The following CUZD1 variants were observed in gnomAD, a reference collection of about 807,000 sequenced individuals.
The protein encoded by CUZD1 is CUB and zona pellucida like domains 1.
In CUZD1, 42 loss-of-function variants were observed where a neutral mutation model predicts 53.1. The ratio of observed to expected loss-of-function variants is 0.79; its 90% CI spans 0.62 to 1.02. The LOEUF (loss-of-function observed/expected upper bound fraction) is 1.02, where lower values mean the gene tolerates loss of function less well. Among genes scored for constraint, CUZD1 ranks in the 50% least tolerant of loss-of-function variants. The pLI is 0.00. For missense variants in CUZD1, 670 were observed against 715.7 expected (o/e 0.94, Z 0.73); for synonymous variants, 238 against 257.2 (o/e 0.93, Z 0.71).
chr10:122,839,037 T>C lies in CUZD1; in HGVS notation c.428A>G (p.Tyr143Cys). 6.2e-7 allele frequency: 1 copy of C among 1,613,742 alleles called. No homozygotes were observed. The highest frequency in any genetic ancestry group is 8.5e-7 in the Non-Finnish European group (1 of 1,179,686). Residue 143 changes from tyrosine to cysteine, a missense_variant, in exon 3 of 9, where the codon TAC becomes TGC. Coordinates refer to ENST00000392790, the MANE Select transcript of CUZD1 (RefSeq NM_022034.6). ...RIQRTVFVFY[Y>C]FFSPNISIPN... Reference sequence around the variant, plus strand: ...CTTACAGATGTTAGGAGAGAAGAAGTAGTAGAAGACAAAGACAGTTCTTTG... The same window carrying C: ...CTTACAGATGTTAGGAGAGAAGAAGCAGTAGAAGACAAAGACAGTTCTTTG...
chr10:122,835,120 A>C, intron 6 of CUZD1, 23 bp from the exon 7 acceptor site: 1 of 1,497,820 alleles, frequency 6.7e-7, no homozygotes, highest in Non-Finnish European at 8.9e-7. Flanking sequence ...ATAGAATTCA[A>C]TTTTTATATT....
Position 122,835,062 on chromosome 10 carries a change from GATTAT to G in CUZD1, c.1021_1025del (p.Ile341HisfsTer9), listed in dbSNP as rs756028492. 1 of 1,602,030 alleles carries G rather than the reference GATTAT, an allele frequency of 6.2e-7. No individual in the cohort carries two copies. The highest frequency in any genetic ancestry group is 8.5e-7 in the Non-Finnish European group (1 of 1,174,086). On this transcript the variant is annotated frameshift_variant, in exon 7 of 9. Coordinates refer to ENST00000392790, the MANE Select transcript of CUZD1 (RefSeq NM_022034.6). LOFTEE classifies it high-confidence loss of function. Reference sequence around the variant, plus strand: ...CAGAAGTTGAGGATGCAGAAAAGGTGATTATATTGGTGTAAGTAATTGACTGATCT... The same window carrying G: ...CAGAAGTTGAGGATGCAGAAAAGGTGATTGGTGTAAGTAATTGACTGATCT...
chr10:122,842,859 A>C (rs1847365346), intron 1 of CUZD1, among the ~76,000 whole-genome samples: 1 of 152,252 alleles, frequency 6.6e-6, no homozygotes, highest in Non-Finnish European at 1.5e-5. Flanking sequence ...GCATGTAAAG[A>C]TATATTCAGC....
At chr10:122,838,152 C>T (rs998923781) in intron 3 of CUZD1, 1 of 152,432 alleles carries the variant, frequency 6.6e-6, no homozygotes, top group Non-Finnish European at 1.5e-5. Context: ...GCAGAGAGCT[C>T]TTTTTGGAGC....
intron 1 of CUZD1, 41 bp from the exon 2 acceptor site, chr10:122,841,369 C>A: frequency 6.5e-7 from 1 of 1,544,646 alleles, no homozygotes. Flanking sequence ...AGTCAACAGG[C>A]CCTTTCCCCT....
At chr10:122,843,455 G>A (rs560987463) in intron 1 of CUZD1, among the ~76,000 whole-genome samples, 43 of 152,140 alleles carry the variant, frequency 2.8e-4, no homozygotes, top group African/African-American at 9.6e-4. Flanking sequence ...GTAAATAGTT[G>A]TTTACTATAT....
Position 122,832,286 on chromosome 10 carries a change from T to C in CUZD1, c.1816A>G (p.Asn606Asp). 6.2e-7 allele frequency: 1 copy of C among 1,614,060 alleles called. No individual in the cohort carries two copies. The highest frequency in any genetic ancestry group is 8.5e-7 in the Non-Finnish European group (1 of 1,179,950). ...AGGGTTGGACCTGTTAGTTAATAGT[T>C]CTGCAGCTTCTGGTATTTGTAGTCT... ...RADYKYQKLQ[N>D]Y Residue 606 changes from asparagine (N) to aspartate (D), a missense_variant, in exon 9 of 9, where the codon AAC becomes GAC. Physicochemically the swap from Asn to Asp is conservative, Grantham distance 23 (BLOSUM62 1). Transcript: ENST00000392790.
intron 6 of CUZD1, among the ~76,000 whole-genome samples, chr10:122,835,731 A>T (rs1440861823): frequency 1.3e-5 from 2 of 152,248 alleles, no homozygotes; most frequent in East Asian, 3.8e-4. Flanking sequence ...AGAACAAATC[A>T]CAAACTTCCA....
intron 2 of CUZD1, among the ~76,000 whole-genome samples, chr10:122,840,650 G>A (rs1847326541): frequency 6.6e-6 from 1 of 151,818 alleles, no homozygotes; most frequent in African/African-American, 2.4e-5. Flanking sequence ...GGGTCACCTG[G>A]GCACTTATAA....
At chr10:122,840,156 G>A (rs933234010) in intron 2 of CUZD1, among the ~76,000 whole-genome samples, 1 of 152,146 alleles carries the variant, frequency 6.6e-6, no homozygotes, top group Non-Finnish European at 1.5e-5. Flanking sequence ...CAGGAAATTT[G>A]AGGCCTCTTT....
At chr10:122,845,261 G>A (rs965783020) in intron 1 of CUZD1, among the ~76,000 whole-genome samples, 6 of 152,062 alleles carry the variant, frequency 3.9e-5, no homozygotes, top group Non-Finnish European at 8.8e-5. Context: ...ATTTTTAGTA[G>A]AGATGGGGTT....
At chr10:122,836,737 TA>T (rs1847257657) in intron 5 of CUZD1, 93 bp downstream of exon 5, 11 of 925,900 alleles carry the variant, frequency 1.2e-5, no homozygotes, top group African/African-American at 9.9e-5. Context: ...TGCTTGCAAA[TA>T]GGAATAGCCA....
At chr10:122,836,444 A>G in intron 5 of CUZD1, 94 bp from the exon 6 acceptor site, 1 of 1,135,988 alleles carries the variant, frequency 8.8e-7, no homozygotes, top group Non-Finnish European at 1.2e-6. Context: ...AAATATATAA[A>G]AAGTCAAAAC....
intron 2 of CUZD1, among the ~76,000 whole-genome samples, chr10:122,840,174 T>C (rs1302078966): frequency 6.6e-6 from 1 of 152,246 alleles, no homozygotes; most frequent in Non-Finnish European, 1.5e-5. Flanking sequence ...TTTTGCTTCT[T>C]TGAAGGATAA....
Position 122,834,785 on chromosome 10 carries a change from A to C in CUZD1, c.1303T>G (p.Leu435Val). Residue 435 changes from leucine to valine, a missense_variant, in exon 7 of 9, where the codon TTG becomes GTG. Leu to Val is a conservative substitution (Grantham distance 32). Coordinates refer to ENST00000392790, the MANE Select transcript of CUZD1 (RefSeq NM_022034.6). ...CTACAGGTATCAAGAAACACCACCA[A>C]ATTTGGATCTGAGGTGTGCAGACTA... ...QVSLHTSDPN[L>V]VVFLDTCRAS... The C allele has an allele frequency of 6.2e-7, 1 of 1,613,842 alleles. No homozygotes were observed. The highest frequency in any genetic ancestry group is 8.5e-7 in the Non-Finnish European group (1 of 1,179,824).
At chr10:122,843,781 C>T (rs1484765018) in intron 1 of CUZD1, among the ~76,000 whole-genome samples, 1 of 144,756 alleles carries the variant, frequency 6.9e-6, no homozygotes, top group Non-Finnish European at 1.5e-5. Context: ...GTAGTGAATA[C>T]AGACTTTCTT....
intron 6 of CUZD1, among the ~76,000 whole-genome samples, chr10:122,835,321 T>C (rs749418883): frequency 3.9e-5 from 6 of 152,194 alleles, no homozygotes; most frequent in Non-Finnish European, 7.4e-5. Flanking sequence ...GACCTGAAGA[T>C]AGAATCAGAC....
At chr10:122,845,164 C>T (rs971796342) in intron 1 of CUZD1, among the ~76,000 whole-genome samples, 8 of 152,000 alleles carry the variant, frequency 5.3e-5, no homozygotes, top group Non-Finnish European at 1.0e-4. Flanking sequence ...GCAACCTCCA[C>T]CTCTCGGGTT....
chr10:122,835,061 T>C lies in CUZD1; in HGVS notation c.1027A>G (p.Thr343Ala). 1 of 1,603,728 alleles carries C rather than the reference T, an allele frequency of 6.2e-7. No homozygotes were observed. The highest frequency in any genetic ancestry group is 8.5e-7 in the Non-Finnish European group (1 of 1,174,936). The change falls in exon 7 of 9, where the codon ACC becomes GCC. Residue 343 changes from threonine (T) to alanine (A), a missense_variant. By Grantham distance (58) the Thr-to-Ala change is moderately conservative. Coordinates refer to ENST00000392790, the MANE Select transcript of CUZD1 (RefSeq NM_022034.6). Reference sequence around the variant, plus strand: ...TCAGAAGTTGAGGATGCAGAAAAGGTGATTATATTGGTGTAAGTAATTGAC... The same window carrying C: ...TCAGAAGTTGAGGATGCAGAAAAGGCGATTATATTGGTGTAAGTAATTGAC... The part of the protein sequence containing the change: ...DQSITYTNII[T>A]FSASSTSEVI...
Sources: gnomAD v4.1 joint callset for allele counts (sites outside exome capture counted in the v4.1 genomes callset) on GRCh38, gnomAD v4.1.1 for gene constraint, MANE v1.5 for transcripts, NCBI Gene and HGNC (gene_info 2026-07-23, HGNC 2026-07-21) for gene names.